Variants in SNX27 observed in about 807,000 individuals in gnomAD.
The protein encoded by SNX27 is sorting nexin 27, also known as sorting nexin-27.
SNX27 carries 22 observed loss-of-function variants against 71.6 expected under a neutral mutation model. The ratio of observed to expected loss-of-function variants is 0.31; its 90% CI spans 0.22 to 0.44. The LOEUF is 0.44. Ranked by LOEUF, SNX27 falls within the 20% of genes least tolerant of loss-of-function variation. SNX27 has a pLI of 1.00. For synonymous variants in SNX27, 269 were observed against 277.2 expected (o/e 0.97, Z 0.29); for missense variants, 531 against 698.6 (o/e 0.76, Z 2.70).
At chr1:151,667,383 A>T (rs1368020122) in intron 6 of SNX27, among the ~76,000 whole-genome samples, 1 of 152,090 alleles carries the variant, frequency 6.6e-6, no homozygotes, top group Non-Finnish European at 1.5e-5. Context: ...TACTCAGAAG[A>T]CAGTTTTCAG....
chr1:151,625,040 A>T (rs1013071954), intron 1 of SNX27, among the ~76,000 whole-genome samples: 1 of 152,204 alleles, frequency 6.6e-6, no homozygotes, highest in African/African-American at 2.4e-5. Context: ...AAAAAGTCCC[A>T]GTGATGGTAA....
rs749664355 is a variant in SNX27 at position 151,697,745 on chromosome 1, G to C, written c.*3328G>C. ...ATCCCTACTGTTCTTCTTAGTCCCA[G>C]CTTCTGCCCAGGGAGGCTTCTACCC... On this transcript the variant is annotated 3_prime_UTR_variant, in exon 12 of 12. Transcript: ENST00000458013. 6.6e-6 allele frequency: 1 copy of C among 152,670 alleles called. No homozygotes were observed. The highest frequency in any genetic ancestry group is 2.4e-5 in the African/African-American group (1 of 41,424). 9.5% of individuals were successfully genotyped at this position (152,670 alleles called of 1,614,324 possible). A position where few individuals can be genotyped will look rare whatever the true frequency, so the allele number is the denominator to read the frequency against.
chr1:151,672,767 TTTA>T lies in SNX27; in HGVS notation c.1149+4135_1149+4137del, dbSNP rs549253055. The stretch of plus-strand genomic sequence containing the variant: ...TATCCATTTCTTTTAGATTTTATAA[TTTA>T]TTGACATATAGTTAATCATAGTAGC... On this transcript the variant is annotated intron_variant, in intron 7 of 11. Coordinates refer to ENST00000458013, the MANE Select transcript of SNX27 (RefSeq NM_001330723.2). Among the ~76,000 whole-genome samples the T allele has an allele frequency of 2.4e-3, 361 of 152,238 alleles. 1 individual carries two copies. The highest frequency in any genetic ancestry group is 3.5e-3 in the South Asian group (17 of 4,834).
chr1:151,664,088 C>A (rs1558061773), intron 5 of SNX27, among the ~76,000 whole-genome samples: 8 of 147,026 alleles, frequency 5.4e-5, no homozygotes, highest in Non-Finnish European at 1.0e-4. Context: ...GTAAATATAT[C>A]ATTATATATA....
chr1:151,693,405 T>TC lies in SNX27; in HGVS notation c.1519-18dup. The TC allele has an allele frequency of 6.2e-7, 1 of 1,613,746 alleles. No homozygotes were observed. ...CCTGCTCTTGAGAAGTTAGTGAGTGTCACCACCTTTTTTTTCAGTTCAATT... is the reference window on the plus strand; with the variant it reads ...CCTGCTCTTGAGAAGTTAGTGAGTGTCCACCACCTTTTTTTTCAGTTCAATT... On this transcript the variant is annotated intron_variant, in intron 10 of 11. Coordinates refer to ENST00000458013, the MANE Select transcript of SNX27 (RefSeq NM_001330723.2).
intron 2 of SNX27, among the ~76,000 whole-genome samples, chr1:151,652,295 T>G (rs187295181): frequency 1.3e-5 from 2 of 152,068 alleles, no homozygotes; most frequent in East Asian, 3.9e-4. Flanking sequence ...AATTTTTCTC[T>G]TTAGATAATT....
chr1:151,670,231 T>C (rs1670399813), intron 7 of SNX27, among the ~76,000 whole-genome samples: 1 of 152,190 alleles, frequency 6.6e-6, no homozygotes, highest in Admixed American at 6.5e-5. Flanking sequence ...ACTCTCATTC[T>C]TTTTTTATGG....
intron 7 of SNX27, 82 bp downstream of exon 7, chr1:151,668,717 C>G (rs1241828327): frequency 2.3e-5 from 30 of 1,288,350 alleles, no homozygotes; most frequent in South Asian, 1.4e-4. Flanking sequence ...CCCTGTAAAT[C>G]CTTAGACAGG....
chr1:151,638,964 T>A lies in SNX27; in HGVS notation c.388T>A (p.Leu130Met), dbSNP rs767929616. The A allele has an allele frequency of 4.3e-6, 7 of 1,614,162 alleles. No individual in the cohort carries two copies. Among genetic ancestry groups the A allele is most frequent in the Middle Eastern group, 1.6e-4 (1 of 6,062 alleles). The change falls in exon 2 of 12, where the codon TTG becomes ATG. Residue 130 changes from leucine (L) to methionine (M), a missense_variant. Transcript: ENST00000458013. ...LIRAGEKELI[L>M]TVLSVPPHEA... ...TCGAGCAGGCGAGAAGGAATTGATCTTGACAGTGTTATCTGTACCTCCTCA... is the reference window on the plus strand; with the variant it reads ...TCGAGCAGGCGAGAAGGAATTGATCATGACAGTGTTATCTGTACCTCCTCA...
chr1:151,668,758 G>A lies in SNX27; in HGVS notation c.1149+123G>A, dbSNP rs766553581. 3.3e-4 allele frequency: 250 copies of A among 749,364 alleles called. 1 individual carries two copies. Among genetic ancestry groups the A allele is most frequent in the Non-Finnish European group, 4.8e-4 (233 of 489,188 alleles). The allele number at this position is 749,364 out of a possible 1,614,324, so 46.4% of individuals were successfully genotyped here. On this transcript the variant is annotated intron_variant, in intron 7 of 11. Coordinates refer to ENST00000458013, the MANE Select transcript of SNX27 (RefSeq NM_001330723.2). ...TTGCTCCTGGGTCTGAATTACATTT[G>A]TAAAATGTTCTATCCCATTTCACGA...
intron 5 of SNX27, among the ~76,000 whole-genome samples, chr1:151,663,952 T>G (rs1172464714): frequency 6.6e-6 from 1 of 152,018 alleles, no homozygotes; most frequent in African/African-American, 2.4e-5. Context: ...TTAGCTAGAA[T>G]TCTTCTGAAA....
intron 8 of SNX27, 90 bp downstream of exon 8, chr1:151,683,535 TG>T: frequency 1.1e-6 from 1 of 903,820 alleles, no homozygotes; most frequent in Non-Finnish European, 1.7e-6. Context: ...GATTACAACC[TG>T]GTTAGTGGCT....
At chr1:151,692,735 C>A (rs1427356193) in intron 9 of SNX27, 151 bp downstream of exon 9, 2 of 1,386,074 alleles carry the variant, frequency 1.4e-6, no homozygotes, top group African/African-American at 1.4e-5. Flanking sequence ...CCACACTGAT[C>A]CTCAACTTCA....
chr1:151,614,444 C>CTCCTGA (rs909206911), intron 1 of SNX27: 50 of 152,284 alleles, frequency 3.3e-4, no homozygotes, highest in African/African-American at 1.2e-3. Flanking sequence ...CTGCCTCAGC[C>CTCCTGA]TCCTGAGTAG....
intron 1 of SNX27, among the ~76,000 whole-genome samples, chr1:151,619,952 C>T (rs1667597728): frequency 6.6e-6 from 1 of 152,114 alleles, no homozygotes; most frequent in African/African-American, 2.4e-5. Context: ...AAAGCACAAT[C>T]GAAGTATAGA....
chr1:151,633,419 C>T (rs112008575), intron 1 of SNX27, among the ~76,000 whole-genome samples: 48 of 152,124 alleles, frequency 3.2e-4, no homozygotes, highest in African/African-American at 1.1e-3. Context: ...TACCTCAGTC[C>T]CCAAGTAGCC....
rs141967215 is a variant in SNX27 at position 151,637,741 on chromosome 1, C to T, written c.312-1147C>T. ...TTTATATAAATGGATATTTCAGATACCAGACTCTGACAGAGACAATTTCAG... is the reference window on the plus strand; with the variant it reads ...TTTATATAAATGGATATTTCAGATATCAGACTCTGACAGAGACAATTTCAG... On this transcript the variant is annotated intron_variant, in intron 1 of 11. Transcript: ENST00000458013. 2.1e-3 allele frequency among the ~76,000 whole-genome samples: 317 copies of T among 152,182 alleles called. 2 individuals carry two copies. Among genetic ancestry groups the T allele is most frequent in the African/African-American group, 7.2e-3 (298 of 41,510 alleles).
intron 1 of SNX27, among the ~76,000 whole-genome samples, chr1:151,618,999 C>A (rs892768622): frequency 2.1e-5 from 3 of 143,840 alleles, no homozygotes; most frequent in African/African-American, 7.6e-5. Flanking sequence ...ACATTATAAC[C>A]TAATATATAT....
intron 2 of SNX27, among the ~76,000 whole-genome samples, chr1:151,644,077 C>G (rs1054932052): frequency 2.0e-5 from 3 of 152,192 alleles, no homozygotes; most frequent in Non-Finnish European, 4.4e-5. Flanking sequence ...AATAAAAGTA[C>G]AATTAGTAAT....
Sources: gnomAD v4.1 joint callset for allele counts (sites outside exome capture counted in the v4.1 genomes callset) on GRCh38, gnomAD v4.1.1 for gene constraint, MANE v1.5 for transcripts, NCBI Gene and HGNC (gene_info 2026-07-23, HGNC 2026-07-21) for gene names.